The following DPP10 variants were observed in gnomAD, a reference collection of about 807,000 sequenced individuals.
DPP10 encodes inactive dipeptidyl peptidase 10.
DPP10 carries 33 observed loss-of-function variants against 120.9 expected under a neutral mutation model. The observed-to-expected ratio is 0.27, with a 90% CI of 0.21 to 0.37. DPP10 has a LOEUF of 0.37. Among genes scored for constraint, DPP10 ranks in the 10% least tolerant of loss-of-function variants. The pLI, the probability that DPP10 is intolerant of heterozygous loss-of-function variation, is 1.00. For synonymous variants in DPP10, 337 were observed against 326.1 expected, an observed-to-expected ratio of 1.03 and a Z score of -0.36; for missense variants, 816 against 942.8, an observed-to-expected ratio of 0.87 and a Z score of 1.76.
chr2:114,721,750 G>A (rs576524534), intron 1 of DPP10, among the ~76,000 whole-genome samples: 1 of 152,288 alleles, frequency 6.6e-6, no homozygotes, highest in Admixed American at 6.5e-5. Context: ...AGTATCACAT[G>A]ATTCCAGATA....
At chr2:114,985,813 G>T (rs1262195233) in intron 1 of DPP10, among the ~76,000 whole-genome samples, 1 of 152,206 alleles carries the variant, frequency 6.6e-6, no homozygotes, top group African/African-American at 2.4e-5. Context: ...TTGCGTGTGT[G>T]TAATGTCTAC....
chr2:115,779,962 C>T (rs1489221527), intron 15 of DPP10, among the ~76,000 whole-genome samples: 1 of 151,912 alleles, frequency 6.6e-6, no homozygotes, highest in Non-Finnish European at 1.5e-5. Context: ...TGCCTTAACA[C>T]CCCTGTTCCA....
At chr2:115,188,104 G>A (rs1014862944) in intron 1 of DPP10, among the ~76,000 whole-genome samples, 1 of 151,770 alleles carries the variant, frequency 6.6e-6, no homozygotes, top group African/African-American at 2.4e-5. Flanking sequence ...GGAGAGAAGA[G>A]AAATCTCAGG....
chr2:115,213,954 GAAAAAATCA>G (rs201571047), intron 1 of DPP10, among the ~76,000 whole-genome samples: 9,375 of 152,134 alleles, frequency 0.062, 332 homozygotes, highest in Middle Eastern at 0.11. Context: ...TTTATGGATA[GAAAAAATCA>G]GAAAAATGCT....
rs186696911 is a variant in DPP10, at chr2:114,963,740, A to T, written c.61-345499A>T. Among the ~76,000 whole-genome samples, 53 of 152,274 alleles carry T rather than the reference A, an allele frequency of 3.5e-4. 2 individuals carry two copies. The East Asian group carries it at 9.5e-3, about 27-fold the overall frequency. ...ACTGACCCAAGGCTTGAAGAAACCA[A>T]TGAGGGTAAGACTTCACACAGAGGG... On this transcript the variant is annotated intron_variant, in intron 1 of 25. Coordinates refer to ENST00000410059, the MANE Select transcript of DPP10 (RefSeq NM_020868.6).
chr2:115,202,267 G>C (rs895838195), intron 1 of DPP10, among the ~76,000 whole-genome samples: 1 of 152,056 alleles, frequency 6.6e-6, no homozygotes, highest in East Asian at 1.9e-4. Context: ...AGCAATAAAG[G>C]CTACTGAATT....
chr2:115,085,639 C>A (rs1339377172), intron 1 of DPP10, among the ~76,000 whole-genome samples: 1 of 152,116 alleles, frequency 6.6e-6, no homozygotes, highest in Non-Finnish European at 1.5e-5. Context: ...GTTAGGAAAT[C>A]TCAAAGTTTC....
At chr2:115,316,689 A>G (rs919638915) in intron 2 of DPP10, among the ~76,000 whole-genome samples, 3 of 152,146 alleles carry the variant, frequency 2.0e-5, no homozygotes, top group African/African-American at 7.2e-5. Context: ...TCATTATACA[A>G]CTTTAATAGT....
intron 5 of DPP10, among the ~76,000 whole-genome samples, chr2:115,689,047 T>A (rs1437540533): frequency 6.6e-6 from 1 of 152,182 alleles, no homozygotes; most frequent in East Asian, 1.9e-4. Context: ...TAGACACCTG[T>A]ATCTGACAAC....
chr2:115,777,383 C>A, intron 14 of DPP10, 84 bp downstream of exon 14: 1 of 1,261,582 alleles, frequency 7.9e-7, no homozygotes, highest in Non-Finnish European at 1.1e-6. Flanking sequence ...TTTTGCTTAC[C>A]ATAGTCCTAG....
At chr2:114,888,209 C>A (rs1692238494) in intron 1 of DPP10, among the ~76,000 whole-genome samples, 1 of 151,146 alleles carries the variant, frequency 6.6e-6, no homozygotes, top group Admixed American at 6.6e-5. Flanking sequence ...TTAGAAGACA[C>A]CAATGCCTGT....
intron 1 of DPP10, among the ~76,000 whole-genome samples, chr2:114,559,907 A>C (rs923157384): frequency 2.6e-5 from 4 of 151,772 alleles, no homozygotes; most frequent in Non-Finnish European, 2.9e-5. Flanking sequence ...AAAAAAAAAA[A>C]AAAAACAAAG....
chr2:115,378,280 G>T (rs1489264723), intron 3 of DPP10, among the ~76,000 whole-genome samples: 1 of 150,276 alleles, frequency 6.7e-6, no homozygotes. Context: ...TCCCTTGTAA[G>T]TTGGATTCCT....
At chr2:115,344,260 A>T (rs1224758926) in intron 3 of DPP10, among the ~76,000 whole-genome samples, 1 of 152,064 alleles carries the variant, frequency 6.6e-6, no homozygotes, top group South Asian at 2.1e-4. Context: ...AATTCCTAAG[A>T]TAGGGCGTCA....
intron 1 of DPP10, among the ~76,000 whole-genome samples, chr2:114,624,776 G>T (rs1488292836): frequency 6.6e-6 from 1 of 151,824 alleles, no homozygotes; most frequent in Non-Finnish European, 1.5e-5. Flanking sequence ...ATTAATGAAA[G>T]AAAATATGAA....
In DPP10 at chr2:114,568,208, C is replaced by A. The variant is rs137944720; in HGVS notation, c.60+125370C>A. On this transcript the variant is annotated intron_variant, in intron 1 of 25. Transcript: ENST00000410059. ...ACACTATTTTATATATTTATGGGGGCACATGTGAGTGTTGCATGCATAGAA... is the reference window on the plus strand; with the variant it reads ...ACACTATTTTATATATTTATGGGGGAACATGTGAGTGTTGCATGCATAGAA... 2.4e-3 allele frequency among the ~76,000 whole-genome samples: 360 copies of A among 151,998 alleles called. No individual in the cohort carries two copies. In the Middle Eastern group the frequency reaches 0.027, roughly 11 times the overall value.
intron 2 of DPP10, among the ~76,000 whole-genome samples, chr2:115,321,257 C>T (rs1054182252): frequency 3.3e-5 from 5 of 152,180 alleles, no homozygotes; most frequent in South Asian, 4.1e-4. Context: ...GCTAAGGTGG[C>T]GCCATTGCAC....
chr2:114,820,327 A>G (rs1327079445), intron 1 of DPP10, among the ~76,000 whole-genome samples: 1 of 152,178 alleles, frequency 6.6e-6, no homozygotes, highest in East Asian at 1.9e-4. Context: ...ATATGATATC[A>G]ACATCTATAC....
chr2:114,786,069 A>G (rs1009593023), intron 1 of DPP10, among the ~76,000 whole-genome samples: 1 of 152,216 alleles, frequency 6.6e-6, no homozygotes, highest in East Asian at 1.9e-4. Flanking sequence ...TATTTGGAGA[A>G]CAAGAGCAGC....
Sources: allele counts gnomAD v4.1 joint callset (sites outside exome capture counted in the v4.1 genomes callset), GRCh38; gene constraint gnomAD v4.1.1; transcripts MANE v1.5; gene names NCBI Gene and HGNC (gene_info 2026-07-23, HGNC 2026-07-21).